Variants in IGFN1 observed in about 807,000 individuals in gnomAD.
The protein encoded by IGFN1 is immunoglobulin like and fibronectin type III domain containing 1.
Under a neutral mutation model 289.5 loss-of-function variants are expected in IGFN1, and 253 were observed. The observed-to-expected ratio is 0.87, with a 90% CI of 0.79 to 0.97. IGFN1 has a LOEUF of 0.97. Among genes scored for constraint, IGFN1 ranks in the 50% least tolerant of loss-of-function variants. The pLI, the probability that IGFN1 is intolerant of heterozygous loss-of-function variation, is 0.00. For missense variants in IGFN1, 4,470 were observed against 4,686.1 expected, an observed-to-expected ratio of 0.95 and a Z score of 1.35; for synonymous variants, 1,706 against 1,788.5, an observed-to-expected ratio of 0.95 and a Z score of 1.16.
chr1:201,202,825 G>C (rs182931135), intron 9 of IGFN1, among the ~76,000 whole-genome samples: 1 of 136,786 alleles, frequency 7.3e-6, no homozygotes, highest in Non-Finnish European at 1.5e-5. Flanking sequence ...GTGCAATCTC[G>C]GCTCACTGCA....
rs962595031 is a variant in IGFN1, at chr1:201,205,041, A to G, written c.917-41A>G. The G allele has an allele frequency of 6.0e-5, 91 of 1,507,016 alleles. No homozygotes were observed. The Admixed American group carries it at 7.6e-4, about 13-fold the overall frequency. The allele number at this position is 1,507,016 out of a possible 1,614,324, so 93.4% of individuals were successfully genotyped here. On this transcript the variant is annotated intron_variant, in intron 10 of 23. Coordinates refer to ENST00000335211, the MANE Select transcript of IGFN1 (RefSeq NM_001164586.2). Reference sequence around the variant, plus strand: ...TTGCTGCCTTAGGTCACACTGTGTCATACCATCAAGCTGATATCCCCATTC... The same window carrying G: ...TTGCTGCCTTAGGTCACACTGTGTCGTACCATCAAGCTGATATCCCCATTC...
chr1:201,202,100 A>G (rs1433459975), intron 9 of IGFN1, among the ~76,000 whole-genome samples: 1 of 152,134 alleles, frequency 6.6e-6, no homozygotes, highest in African/African-American at 2.4e-5. Context: ...ACACCAGAGC[A>G]CGGGGGTGAA....
In IGFN1 at chr1:201,207,183, T is replaced by G. The variant is rs1175291203; in HGVS notation, c.2290T>G (p.Ser764Ala). ...GGCAGATGGTATATGCCGGGGGGAG[T>G]CTGTAGTTACAGGAAGTGCCTACAA... ...QEADGICRGE[S>A]VVTGSAYKTG... Residue 764 changes from serine (S) to alanine (A), a missense_variant, in exon 12 of 24, where the codon TCT becomes GCT. Physicochemically the swap from Ser to Ala is moderately conservative, Grantham distance 99. Around this residue, in one of 8 missense-constraint regions of IGFN1, gnomAD observed 2,011 missense variants for 1,953.4 expected, o/e 1.03. Coordinates refer to ENST00000335211, the MANE Select transcript of IGFN1 (RefSeq NM_001164586.2). 4 of 1,534,782 alleles carry G rather than the reference T, an allele frequency of 2.6e-6. No individual in the cohort carries two copies. In the Admixed American group the frequency reaches 7.9e-5, roughly 30 times the overall value.
Position 201,206,897 on chromosome 1 carries a change from T to C in IGFN1, c.2004T>C (p.Asn668=), listed in dbSNP as rs532690148. Residue 668 remains asparagine (N), a synonymous_variant, in exon 12 of 24, where the codon AAT becomes AAC. Transcript: ENST00000335211. ...GTGLGEAGDS[N]GAGGPGTLEL... ...GCCTGGGAGAAGCTGGAGACAGCAA[T>C]GGGGCAGGAGGTCCTGGCACCCTGG... is the stretch of plus-strand genomic sequence containing the variant. The C allele has an allele frequency of 1.1e-5, 17 of 1,536,008 alleles. No homozygotes were observed. The highest frequency in any genetic ancestry group is 3.9e-5 in the Admixed American group (2 of 50,928).
intron 23 of IGFN1, 74 bp from the exon 24 acceptor site, chr1:201,228,312 T>G: frequency 6.8e-7 from 1 of 1,481,034 alleles, no homozygotes; most frequent in South Asian, 1.1e-5. Context: ...ATTCTGAGTT[T>G]TCTTCACCAC....
chr1:201,205,484 C>A, intron 11 of IGFN1, 130 bp downstream of exon 11: 1 of 1,057,132 alleles, frequency 9.5e-7, no homozygotes, highest in Non-Finnish European at 1.3e-6. Context: ...AGATTATTCT[C>A]CACCCACTGC....
intron 11 of IGFN1, among the ~76,000 whole-genome samples, chr1:201,205,567 G>A (rs986029111): frequency 2.0e-5 from 3 of 152,154 alleles, no homozygotes; most frequent in Admixed American, 6.5e-5. Flanking sequence ...GAATTACTTT[G>A]GGGCACAGAT....
At chr1:201,224,486 C>T (rs557909346) in intron 20 of IGFN1, among the ~76,000 whole-genome samples, 193 bp from the exon 21 acceptor site, 1 of 152,292 alleles carries the variant, frequency 6.6e-6, no homozygotes, top group Non-Finnish European at 1.5e-5. Flanking sequence ...CCATACCCGC[C>T]TGCCAACCTC....
chr1:201,196,532 T>C (rs750993731), intron 4 of IGFN1, among the ~76,000 whole-genome samples: 3 of 152,006 alleles, frequency 2.0e-5, no homozygotes, highest in East Asian at 1.9e-4. Flanking sequence ...TTTAGTAGAG[T>C]TGGGGTTTCA....
chr1:201,203,411 A>G (rs1667247235), intron 9 of IGFN1, among the ~76,000 whole-genome samples: 1 of 152,214 alleles, frequency 6.6e-6, no homozygotes, highest in Non-Finnish European at 1.5e-5. Context: ...CTCCCCTGCT[A>G]TCCTCGCAGG....
At chr1:201,225,706 A>G (rs1452356216) in intron 21 of IGFN1, 118 bp from the exon 22 acceptor site, 2 of 815,482 alleles carry the variant, frequency 2.5e-6, no homozygotes, top group African/African-American at 3.5e-5. Context: ...GGGTCCAGCT[A>G]CTTGTGTGGC....
rs547293166 is a variant in IGFN1, at chr1:201,226,047, G to C, written c.10710G>C (p.Arg3570Ser). The C allele has an allele frequency of 2.0e-4, 324 of 1,600,174 alleles. 4 individuals carry two copies. In the East Asian group the frequency reaches 6.4e-3, roughly 32 times the overall value. The change falls in exon 22 of 24, where the codon AGG (arginine) becomes AGC (serine). Residue 3570 changes from arginine to serine, a missense_variant. Physicochemically the swap from Arg to Ser is moderately radical, Grantham distance 110. Coordinates refer to ENST00000335211, the MANE Select transcript of IGFN1 (RefSeq NM_001164586.2). ...TCCCCGGCCACGAATACCACTTCAG[G>C]GTGGTGGCCAAGAATGAGCTGGGGG... Reference protein sequence around the residue: ...GILPGHEYHFRVVAKNELGAS... With the variant: ...GILPGHEYHFSVVAKNELGAS...
intron 18 of IGFN1, 54 bp from the exon 19 acceptor site, chr1:201,221,390 T>C: frequency 7.4e-7 from 1 of 1,351,896 alleles, no homozygotes; most frequent in South Asian, 1.5e-5. Context: ...ATATCCACAC[T>C]GAGTGGCCTC....
intron 6 of IGFN1, 22 bp downstream of exon 6, chr1:201,199,400 C>A (rs1667053830): frequency 1.9e-6 from 3 of 1,550,562 alleles, no homozygotes; most frequent in Non-Finnish European, 2.6e-6. Flanking sequence ...TGTCAGAAAC[C>A]TCCTTGGGGG....
intron 23 of IGFN1, among the ~76,000 whole-genome samples, 183 bp from the exon 24 acceptor site, chr1:201,228,203 G>A (rs3753971): frequency 0.64 from 97,610 of 152,144 alleles, 33,039 homozygotes; most frequent in African/African-American, 0.87. Flanking sequence ...ATGGTTCCCC[G>A]AGGGGCCAGC....
Position 201,207,972 on chromosome 1 carries a change from G to A in IGFN1, c.3079G>A (p.Gly1027Ser). ...AGTGTGGTCTGGAAATGAAGATTCT[G>A]GCCCTGCAGGAGGAGGGTCTGGGAG... is the stretch of plus-strand genomic sequence containing the variant. ...GGVWSGNEDS[G>S]PAGGGSGRVA... The change falls in exon 12 of 24, where the codon GGC becomes AGC. Residue 1027 changes from glycine (G) to serine (S), a missense_variant. Physicochemically the swap from Gly to Ser is moderately conservative, Grantham distance 56. Transcript: ENST00000335211. 6.5e-7 allele frequency: 1 copy of A among 1,536,946 alleles called. No homozygotes were observed.
intron 17 of IGFN1, among the ~76,000 whole-genome samples, chr1:201,218,276 C>A (rs1370267115): frequency 6.6e-6 from 1 of 152,212 alleles, no homozygotes; most frequent in Admixed American, 6.5e-5. Context: ...CAGAGACAAC[C>A]AGGGAGATTA....
chr1:201,206,837 G>C lies in IGFN1; in HGVS notation c.1944G>C (p.Arg648Ser). 6.5e-7 allele frequency: 1 copy of C among 1,536,924 alleles called. No homozygotes were observed. The highest frequency in any genetic ancestry group is 1.2e-5 in the South Asian group (1 of 84,052). ...MDRGDAPSRE[R>S]GRGIVVWGGG... is the part of the protein sequence containing the mutation. Reference sequence around the variant, plus strand: ...GAGGGGATGCTCCAAGTAGGGAAAGGGGGAGAGGAATAGTAGTGTGGGGTG... The same window carrying C: ...GAGGGGATGCTCCAAGTAGGGAAAGCGGGAGAGGAATAGTAGTGTGGGGTG... Residue 648 changes from arginine (R) to serine (S), a missense_variant, in exon 12 of 24, where the codon AGG becomes AGC. By Grantham distance (110) the Arg-to-Ser change is moderately radical (BLOSUM62 -1). Transcript: ENST00000335211.
chr1:201,225,527 A>G (rs960550573), intron 21 of IGFN1, among the ~76,000 whole-genome samples: 5 of 152,210 alleles, frequency 3.3e-5, no homozygotes, highest in African/African-American at 1.2e-4. Flanking sequence ...CGGGAGTTGG[A>G]GCTTGCAGTG....
Sources: allele counts gnomAD v4.1 joint callset (sites outside exome capture counted in the v4.1 genomes callset), GRCh38; gene constraint gnomAD v4.1.1; regional missense constraint gnomAD v4.1.1; transcripts MANE v1.5; gene names NCBI Gene and HGNC (gene_info 2026-07-23, HGNC 2026-07-21).